Variants in RALGAPA2 observed in about 807,000 individuals in gnomAD.
The protein encoded by RALGAPA2 is Ral GTPase activating protein catalytic subunit alpha 2.
A neutral mutation model predicts 230.4 loss-of-function variants in RALGAPA2; 139 were observed. That is an observed-to-expected ratio of 0.60 (90% CI 0.53 to 0.69). The LOEUF (loss-of-function observed/expected upper bound fraction) is 0.69, where lower values mean the gene tolerates loss of function less well. Ranked by LOEUF, RALGAPA2 falls within the 30% of genes least tolerant of loss-of-function variation. The pLI is 0.00. For missense variants in RALGAPA2, 2,163 were observed against 2,276.0 expected (o/e 0.95, Z 1.01); for synonymous variants, 847 against 837.8 (o/e 1.01, Z -0.19).
chr20:20,503,298 G>T (rs1418390817), intron 35 of RALGAPA2, 53 bp downstream of exon 35: 3 of 1,406,366 alleles, frequency 2.1e-6, no homozygotes. Context: ...TCCTAGGAGA[G>T]CCTCACCTAC....
intron 1 of RALGAPA2, among the ~76,000 whole-genome samples, chr20:20,710,876 C>T (rs1485935132): frequency 2.0e-5 from 3 of 152,214 alleles, no homozygotes; most frequent in Non-Finnish European, 4.4e-5. Flanking sequence ...CTTTAAAACA[C>T]AGCTCAACTC....
At chr20:20,576,698 G>A (rs974585262) in intron 20 of RALGAPA2, among the ~76,000 whole-genome samples, 4 of 151,900 alleles carry the variant, frequency 2.6e-5, no homozygotes, top group Admixed American at 6.6e-5. Context: ...CTCTTTCTAC[G>A]GAATGGGATG....
intron 37 of RALGAPA2, among the ~76,000 whole-genome samples, chr20:20,458,971 C>T (rs910267367): frequency 6.6e-6 from 1 of 150,958 alleles, no homozygotes; most frequent in Non-Finnish European, 1.5e-5. Context: ...TCAACAGGAA[C>T]CTTCATAGAA....
chr20:20,513,364 G>T, intron 31 of RALGAPA2, 80 bp from the exon 32 acceptor site: 1 of 1,167,846 alleles, frequency 8.6e-7, no homozygotes, highest in Non-Finnish European at 1.1e-6. Context: ...TGGGTGGGGG[G>T]CAGGGGGCAG....
At chr20:20,454,666 T>C (rs1217538207) in intron 37 of RALGAPA2, among the ~76,000 whole-genome samples, 3 of 152,168 alleles carry the variant, frequency 2.0e-5, no homozygotes, top group African/African-American at 7.2e-5. Flanking sequence ...AGCTAATCCC[T>C]AGGGGAAGCT....
intron 35 of RALGAPA2, among the ~76,000 whole-genome samples, chr20:20,496,464 G>A (rs2062207434): frequency 6.6e-6 from 1 of 152,196 alleles, no homozygotes; most frequent in African/African-American, 2.4e-5. Flanking sequence ...AAGCTGGTAA[G>A]GCCCTCTGAC....
chr20:20,637,883 G>A (rs1320256870), intron 7 of RALGAPA2, among the ~76,000 whole-genome samples: 1 of 152,040 alleles, frequency 6.6e-6, no homozygotes, highest in Admixed American at 6.6e-5. Flanking sequence ...TCAGAAAAAG[G>A]CCATTTATAA....
At chr20:20,681,843 T>C (rs1348064574) in intron 1 of RALGAPA2, among the ~76,000 whole-genome samples, 1 of 151,888 alleles carries the variant, frequency 6.6e-6, no homozygotes, top group Admixed American at 6.6e-5. Flanking sequence ...TGGGCAAGAG[T>C]GAAACCCCTG....
rs544875045 is a variant in RALGAPA2, at chr20:20,647,900, T to C, written c.329-4351A>G. Among the ~76,000 whole-genome samples, 127 of 152,330 alleles carry C rather than the reference T, an allele frequency of 8.3e-4. 1 individual carries two copies. The highest frequency in any genetic ancestry group is 2.8e-3 in the African/African-American group (118 of 41,582). On this transcript the variant is annotated intron_variant, in intron 4 of 39. Coordinates refer to ENST00000202677, the MANE Select transcript of RALGAPA2 (RefSeq NM_020343.4). Reference sequence around the variant, plus strand: ...ACGTGGAGTAACTGGAGCTCTTATGTTGCTGGTAGGAATATAAAATGGTAC... The same window carrying C: ...ACGTGGAGTAACTGGAGCTCTTATGCTGCTGGTAGGAATATAAAATGGTAC...
chr20:20,688,819 A>G (rs1408466980), intron 1 of RALGAPA2, among the ~76,000 whole-genome samples: 1 of 152,226 alleles, frequency 6.6e-6, no homozygotes, highest in African/African-American at 2.4e-5. Context: ...GCAAATAACA[A>G]AAATGATTTT....
intron 1 of RALGAPA2, among the ~76,000 whole-genome samples, chr20:20,705,998 G>GT (rs1207010194): frequency 6.6e-6 from 1 of 152,126 alleles, no homozygotes; most frequent in Non-Finnish European, 1.5e-5. Context: ...ATTCTCTATA[G>GT]TTTTATATTG....
intron 24 of RALGAPA2, among the ~76,000 whole-genome samples, chr20:20,543,894 A>T (rs117019850): frequency 0.039 from 5,939 of 151,816 alleles, 147 homozygotes; most frequent in South Asian, 0.069. Context: ...AAAATAAAAT[A>T]AAATTAAAAA....
intron 4 of RALGAPA2, among the ~76,000 whole-genome samples, chr20:20,652,221 T>A (rs2067424331): frequency 6.6e-6 from 1 of 152,174 alleles, no homozygotes; most frequent in Admixed American, 6.5e-5. Context: ...TTTTGGAATA[T>A]CCACTAATCA....
chr20:20,509,965 C>T (rs574995207), intron 33 of RALGAPA2, among the ~76,000 whole-genome samples: 59 of 152,136 alleles, frequency 3.9e-4, no homozygotes, highest in Non-Finnish European at 7.9e-4. Flanking sequence ...ATTCAAAACA[C>T]CAAAGAAGAA....
intron 3 of RALGAPA2, among the ~76,000 whole-genome samples, chr20:20,675,654 C>T (rs2068294007): frequency 6.6e-6 from 1 of 152,016 alleles, no homozygotes; most frequent in Non-Finnish European, 1.5e-5. Context: ...AGTCAAAAAC[C>T]ACACCCAAAC....
intron 24 of RALGAPA2, among the ~76,000 whole-genome samples, chr20:20,544,328 G>A (rs1276493056): frequency 6.8e-6 from 1 of 146,726 alleles, no homozygotes; most frequent in Non-Finnish European, 1.5e-5. Context: ...GACAGAGCAA[G>A]ACTCTGTCTC....
chr20:20,705,213 T>TTTG (rs932830160), intron 1 of RALGAPA2, among the ~76,000 whole-genome samples: 2 of 152,206 alleles, frequency 1.3e-5, no homozygotes, highest in African/African-American at 2.4e-5. Context: ...TGACTTGATT[T>TTTG]TTGTTGTTGT....
At chr20:20,562,834 C>G (rs750869458) in intron 23 of RALGAPA2, among the ~76,000 whole-genome samples, 2 of 152,102 alleles carry the variant, frequency 1.3e-5, no homozygotes, top group Non-Finnish European at 2.9e-5. Flanking sequence ...ATTGATTCTA[C>G]AGCTATAAAA....
intron 26 of RALGAPA2, among the ~76,000 whole-genome samples, chr20:20,534,871 G>A (rs1002507903): frequency 6.6e-6 from 1 of 152,114 alleles, no homozygotes; most frequent in Non-Finnish European, 1.5e-5. Flanking sequence ...ACCAAGTCTG[G>A]TATCACATAA....
Sources: allele counts gnomAD v4.1 joint callset (sites outside exome capture counted in the v4.1 genomes callset), GRCh38; gene constraint gnomAD v4.1.1; transcripts MANE v1.5; gene names NCBI Gene and HGNC (gene_info 2026-07-23, HGNC 2026-07-21).